DIAPH2: variants seen among roughly 807,000 people sequenced by gnomAD.
DIAPH2 encodes the protein diaphanous related formin 2.
A neutral mutation model predicts 92.7 loss-of-function variants in DIAPH2; 35 were observed. That is an observed-to-expected ratio of 0.38 (90% CI 0.29 to 0.50). The LOEUF (loss-of-function observed/expected upper bound fraction) is 0.50, where lower values mean the gene tolerates loss of function less well. Among genes scored for constraint, DIAPH2 ranks in the 20% least tolerant of loss-of-function variants. DIAPH2 has a pLI of 0.94. For synonymous variants in DIAPH2, 301 were observed against 280.4 expected (o/e 1.07, Z -0.73); for missense variants, 701 against 819.5 (o/e 0.86, Z 1.77).
chrX:97,585,107 A>G (rs1602684152), intron 26 of DIAPH2, among the ~76,000 whole-genome samples: 1 of 111,919 alleles, frequency 8.9e-6, no homozygotes, highest in Admixed American at 9.5e-5. Context: ...GCCTTTTTGT[A>G]TATCAGTGAT....
intron 1 of DIAPH2, among the ~76,000 whole-genome samples, chrX:96,687,549 C>T (rs1206687187): frequency 9.1e-6 from 1 of 109,952 alleles, no homozygotes; most frequent in Non-Finnish European, 1.9e-5. Context: ...AAGTGATTCT[C>T]CTGCCTCAGC....
intron 1 of DIAPH2, among the ~76,000 whole-genome samples, chrX:96,708,063 G>C (rs896244205): frequency 1.8e-5 from 2 of 110,608 alleles, no homozygotes; most frequent in Non-Finnish European, 3.8e-5. Flanking sequence ...TGTGCCATGT[G>C]GTATAGAAAC....
chrX:97,131,214 T>C (rs1488691587), intron 21 of DIAPH2, among the ~76,000 whole-genome samples: 1 of 111,776 alleles, frequency 8.9e-6, no homozygotes, highest in African/African-American at 3.2e-5. Flanking sequence ...TTGAAAATGT[T>C]CGATGAGATA....
intron 24 of DIAPH2, among the ~76,000 whole-genome samples, chrX:97,359,871 C>T (rs776770827): frequency 2.7e-5 from 3 of 111,155 alleles, no homozygotes; most frequent in African/African-American, 6.5e-5. Flanking sequence ...CCACTGCGCC[C>T]GGCCATGTTA....
Position 97,424,269 on chromosome X carries a change from AT to A in DIAPH2, c.3146-5371del, listed in dbSNP as rs1386703268. Among the ~76,000 whole-genome samples the A allele has an allele frequency of 1.7e-4, 19 of 109,007 alleles. No homozygotes were observed. The South Asian group carries it at 4.7e-3, about 27-fold the overall frequency. The allele number at this position is 109,007 out of a possible 115,157, so 94.7% of individuals were successfully genotyped here. On this transcript the variant is annotated intron_variant, in intron 25 of 26. Coordinates refer to ENST00000324765, the MANE Select transcript of DIAPH2 (RefSeq NM_006729.5). ...TAATACATCAGTGATATTTACAAAA[AT>A]TTTTTTTTTAGCAGAACTATTTGGC...
chrX:97,286,003 A>G lies in DIAPH2; in HGVS notation c.2844+38164A>G, dbSNP rs766543743. ...TTTCTGCTTGCTTTTAGGTCTCTAA[A>G]GTTTCTGTGAGTTGCTAATACAATC... On this transcript the variant is annotated intron_variant, in intron 23 of 26. Transcript: ENST00000324765. 5.6e-5 allele frequency among the ~76,000 whole-genome samples: 6 copies of G among 106,319 alleles called. No individual in the cohort carries two copies. In the East Asian group the frequency reaches 1.8e-3, roughly 32 times the overall value. The allele number at this position is 106,319 out of a possible 115,157, so 92.3% of individuals were successfully genotyped here.
rs187314879 is a variant in DIAPH2 at position 97,451,002 on chromosome X, G to A, written c.3241+21257G>A. Among the ~76,000 whole-genome samples the A allele has an allele frequency of 4.6e-5, 5 of 109,183 alleles. No homozygotes were observed. In the East Asian group the frequency reaches 1.4e-3, roughly 31 times the overall value. 94.8% of individuals were successfully genotyped at this position (109,183 alleles called of 115,157 possible). A position where few individuals can be genotyped will look rare whatever the true frequency, so the allele number is the denominator to read the frequency against. On this transcript the variant is annotated intron_variant, in intron 26 of 26. Transcript: ENST00000324765. ...CACCCAAAAAAGAGCAAGTTTTGAC[G>A]TTGAAACTTCAGGAAATCTTCATAC...
intron 4 of DIAPH2, among the ~76,000 whole-genome samples, chrX:96,771,535 G>A (rs34247405): frequency 0.25 from 27,350 of 110,489 alleles, 2,638 homozygotes; most frequent in Admixed American, 0.37. Context: ...ATTATATGAT[G>A]TCTTTTTTTG....
intron 15 of DIAPH2, among the ~76,000 whole-genome samples, chrX:96,952,608 G>A (rs753181712): frequency 3.1e-4 from 34 of 110,305 alleles, no homozygotes; most frequent in African/African-American, 1.0e-3. Flanking sequence ...GGTGGCAGGC[G>A]CCTGTAATCC....
At chrX:97,328,841 T>C (rs912315523) in intron 23 of DIAPH2, among the ~76,000 whole-genome samples, 1 of 111,563 alleles carries the variant, frequency 9.0e-6, no homozygotes, top group African/African-American at 3.3e-5. Context: ...TACATTAGTA[T>C]TTTTATCTAA....
At chrX:96,997,770 G>C (rs1179279339) in intron 17 of DIAPH2, among the ~76,000 whole-genome samples, 1 of 111,617 alleles carries the variant, frequency 9.0e-6, no homozygotes, top group South Asian at 3.7e-4. Flanking sequence ...TCTTCATTTT[G>C]TTAAGAATCT....
chrX:96,936,548 T>G (rs926735248), intron 10 of DIAPH2, among the ~76,000 whole-genome samples: 6 of 111,633 alleles, frequency 5.4e-5, no homozygotes, highest in African/African-American at 1.9e-4. Context: ...TGCTTCTAAA[T>G]TTTTTATACT....
chrX:97,267,770 C>T (rs970026812), intron 23 of DIAPH2, among the ~76,000 whole-genome samples: 2 of 111,501 alleles, frequency 1.8e-5, no homozygotes, highest in East Asian at 2.8e-4. Flanking sequence ...ATAAATTAGG[C>T]GCCTCACGTA....
At chrX:96,825,099 C>G (rs1403598586) in intron 4 of DIAPH2, among the ~76,000 whole-genome samples, 1 of 104,666 alleles carries the variant, frequency 9.6e-6, no homozygotes, top group African/African-American at 3.5e-5. Flanking sequence ...GCGCATGCCA[C>G]CACGCCTGGC....
At chrX:97,138,331 T>A (rs2147405590) in intron 21 of DIAPH2, among the ~76,000 whole-genome samples, 1 of 112,141 alleles carries the variant, frequency 8.9e-6, no homozygotes, top group Admixed American at 9.5e-5. Flanking sequence ...ACATATAAAA[T>A]ATATGTAGTA....
At chrX:97,577,111 A>G (rs2071403879) in intron 26 of DIAPH2, among the ~76,000 whole-genome samples, 1 of 111,959 alleles carries the variant, frequency 8.9e-6, no homozygotes, top group Admixed American at 9.5e-5. Flanking sequence ...CTAACCATAC[A>G]TATTAACCTT....
At chrX:97,571,087 A>G (rs2071366975) in intron 26 of DIAPH2, among the ~76,000 whole-genome samples, 2 of 111,869 alleles carry the variant, frequency 1.8e-5, no homozygotes, top group South Asian at 7.5e-4. Flanking sequence ...AGACATTGGT[A>G]ATAATGGGAT....
chrX:96,927,078 T>C (rs1455791616), intron 9 of DIAPH2, among the ~76,000 whole-genome samples: 1 of 111,423 alleles, frequency 9.0e-6, no homozygotes, highest in African/African-American at 3.3e-5. Context: ...CGATATAATG[T>C]GGTAGAAAAA....
At chrX:97,067,944 G>A (rs995945937) in intron 17 of DIAPH2, among the ~76,000 whole-genome samples, 1 of 111,360 alleles carries the variant, frequency 9.0e-6, no homozygotes, top group African/African-American at 3.3e-5. Context: ...TGACCTACAA[G>A]CAGAAATGTT....
Sources: allele counts gnomAD v4.1 joint callset (sites outside exome capture counted in the v4.1 genomes callset), GRCh38; gene constraint gnomAD v4.1.1; transcripts MANE v1.5; gene names NCBI Gene and HGNC (gene_info 2026-07-23, HGNC 2026-07-21).